Variants in EFR3B observed in about 807,000 individuals in gnomAD.
EFR3B encodes protein EFR3 homolog B.
EFR3B carries 64 observed loss-of-function variants against 104.7 expected under a neutral mutation model. The ratio of observed to expected loss-of-function variants is 0.61; its 90% CI spans 0.50 to 0.75. The LOEUF is 0.75. Among genes scored for constraint, EFR3B ranks in the 30% least tolerant of loss-of-function variants. The pLI is 0.00. For synonymous variants in EFR3B, 385 were observed against 417.9 expected (o/e 0.92, Z 0.96); for missense variants, 750 against 1,078.5 (o/e 0.70, Z 4.27).
intron 4 of EFR3B, among the ~76,000 whole-genome samples, chr2:25,119,440 C>T (rs1292477582): frequency 6.6e-6 from 1 of 152,238 alleles, no homozygotes. Context: ...TTCAGCCAAA[C>T]GTGGCTTCAG....
At chr2:25,063,399 C>G (rs537416475) in intron 1 of EFR3B, among the ~76,000 whole-genome samples, 1 of 152,156 alleles carries the variant, frequency 6.6e-6, no homozygotes, top group African/African-American at 2.4e-5. Flanking sequence ...GACCTATACT[C>G]TCTGGCTAGG....
chr2:25,069,320 G>A (rs994036492), intron 1 of EFR3B, among the ~76,000 whole-genome samples: 15 of 152,166 alleles, frequency 9.9e-5, no homozygotes, highest in African/African-American at 3.6e-4. Flanking sequence ...TGGTGGCCAC[G>A]ATGTATCTTG....
At chr2:25,124,491 C>G (rs567952905) in intron 5 of EFR3B, among the ~76,000 whole-genome samples, 43 of 152,014 alleles carry the variant, frequency 2.8e-4, no homozygotes, top group African/African-American at 1.0e-3. Context: ...CTTTGGGAGG[C>G]CGAGCGGGGC....
intron 1 of EFR3B, among the ~76,000 whole-genome samples, chr2:25,044,559 G>A (rs1667665912): frequency 6.6e-6 from 1 of 152,066 alleles, no homozygotes; most frequent in East Asian, 1.9e-4. Context: ...TGAAAATGGG[G>A]GCCTCCTGGC....
chr2:25,052,627 G>C (rs1483958089), intron 1 of EFR3B, among the ~76,000 whole-genome samples: 3 of 149,844 alleles, frequency 2.0e-5, no homozygotes, highest in Non-Finnish European at 4.4e-5. Context: ...TCAGCCTCCT[G>C]AGTAGCTGGG....
chr2:25,070,354 C>T (rs999037584), intron 1 of EFR3B, among the ~76,000 whole-genome samples: 9 of 152,240 alleles, frequency 5.9e-5, no homozygotes, highest in South Asian at 2.1e-4. Flanking sequence ...CTCCGCCTCC[C>T]GGGTTCAAGC....
Position 25,042,248 on chromosome 2 carries a change from C to T in EFR3B, c.-65C>T, listed in dbSNP as rs963377130. On this transcript the variant is annotated 5_prime_UTR_variant, in exon 1 of 23. Coordinates refer to ENST00000403714, the MANE Select transcript of EFR3B (RefSeq NM_014971.2). The surrounding 1 kb of genome is among the most constrained non-coding windows in gnomAD (Gnocchi z 5.4). ...CCGACTGTGAATGAAAGGCGGGCGC[C>T]GCCGAGGGCTGGCTGGGAACGCCGC... 44 of 1,299,726 alleles carry T rather than the reference C, an allele frequency of 3.4e-5. No individual in the cohort carries two copies. The highest frequency in any genetic ancestry group is 4.3e-5 in the Non-Finnish European group (44 of 1,024,384). 80.5% of individuals were successfully genotyped at this position (1,299,726 alleles called of 1,614,324 possible). A position where few individuals can be genotyped will look rare whatever the true frequency, so the allele number is the denominator to read the frequency against.
chr2:25,051,983 G>T (rs1667884366), intron 1 of EFR3B, among the ~76,000 whole-genome samples: 1 of 151,022 alleles, frequency 6.6e-6, no homozygotes, highest in Non-Finnish European at 1.5e-5. Flanking sequence ...ATCACCTGAG[G>T]TCAGGAGTTC....
chr2:25,137,445 C>G lies in EFR3B; in HGVS notation c.1665C>G (p.Ile555Met), dbSNP rs2304568. 6.4e-7 allele frequency: 1 copy of G among 1,551,720 alleles called. No individual in the cohort carries two copies. The highest frequency in any genetic ancestry group is 1.7e-4 in the Middle Eastern group (1 of 5,992). Reference protein sequence around the residue: ...ALYGLLALISIELANEEVVVD... With the variant: ...ALYGLLALISMELANEEVVVD... ...ATGGCTTGCTGGCCCTCATCAGCAT[C>G]GAGCTGGCTAACGAGGAGGTGGTGG... Residue 555 changes from isoleucine to methionine, a missense_variant, in exon 15 of 23, where the codon ATC becomes ATG. Ile to Met is a conservative substitution (Grantham distance 10). Transcript: ENST00000403714. This position sits in a 1 kb window ranked among gnomAD's most constrained non-coding sequence, Gnocchi z 4.7.
At chr2:25,129,504 G>T (rs984865502) in intron 6 of EFR3B, among the ~76,000 whole-genome samples, 3 of 152,104 alleles carry the variant, frequency 2.0e-5, no homozygotes, top group African/African-American at 7.2e-5. Flanking sequence ...CCTGTGACTT[G>T]AGTATCATTG....
intron 1 of EFR3B, among the ~76,000 whole-genome samples, chr2:25,059,731 C>T (rs531152622): frequency 3.3e-5 from 5 of 151,934 alleles, no homozygotes; most frequent in East Asian, 1.9e-4. Flanking sequence ...GCTAAAATGC[C>T]GGGCGTGGTG....
At chr2:25,093,228 C>A (rs2149185857) in intron 3 of EFR3B, 98 bp downstream of exon 3, 3 of 1,449,638 alleles carry the variant, frequency 2.1e-6, no homozygotes, top group Admixed American at 4.5e-5. Flanking sequence ...GGCAGAGTGG[C>A]TCACGCCTGT....
At chr2:25,141,214 C>A (rs1322406324) in intron 16 of EFR3B, among the ~76,000 whole-genome samples, 152 bp from the exon 17 acceptor site, 1 of 152,092 alleles carries the variant, frequency 6.6e-6, no homozygotes, top group Non-Finnish European at 1.5e-5. Flanking sequence ...CCTGTTGATG[C>A]GAGTTTCCAC....
rs987624726 is a variant in EFR3B at position 25,156,622 on chromosome 2, G to A, written c.*2282G>A. On this transcript the variant is annotated 3_prime_UTR_variant, in exon 23 of 23. Transcript: ENST00000403714. ...GGCACGTGGCTTCTGAATGGCCTGA[G>A]TGAGGGCAGGGCCCAGGCATGGAGG... 6.6e-6 allele frequency: 1 copy of A among 152,286 alleles called. No homozygotes were observed. The highest frequency in any genetic ancestry group is 1.5e-5 in the Non-Finnish European group (1 of 68,108). The allele number at this position is 152,286 out of a possible 1,614,324, so 9.4% of individuals were successfully genotyped here. A position where few individuals can be genotyped will look rare whatever the true frequency, so the allele number is the denominator to read the frequency against.
chr2:25,118,363 A>G (rs1669920321), intron 4 of EFR3B, among the ~76,000 whole-genome samples: 1 of 152,156 alleles, frequency 6.6e-6, no homozygotes, highest in Admixed American at 6.6e-5. Context: ...TACTGAGCAT[A>G]ATGTCTTCCA....
intron 1 of EFR3B, among the ~76,000 whole-genome samples, chr2:25,062,726 G>A (rs73920646): frequency 2.0e-5 from 3 of 152,332 alleles, no homozygotes; most frequent in Non-Finnish European, 2.9e-5. Flanking sequence ...TGATGGTGCC[G>A]GCAGGGCAGT....
chr2:25,106,646 T>C (rs1162697781), intron 4 of EFR3B, among the ~76,000 whole-genome samples: 2 of 152,160 alleles, frequency 1.3e-5, no homozygotes, highest in Non-Finnish European at 2.9e-5. Flanking sequence ...TTTCACCATG[T>C]TGGTCAGGCT....
chr2:25,087,103 C>T (rs1007115662), intron 1 of EFR3B, among the ~76,000 whole-genome samples: 3 of 151,976 alleles, frequency 2.0e-5, no homozygotes, highest in African/African-American at 4.8e-5. Flanking sequence ...ATGGCGGCGG[C>T]GAGGAGAAGT....
In EFR3B at chr2:25,154,795, TC is replaced by T; in HGVS notation, c.*460del. 6.3e-6 allele frequency: 1 copy of T among 158,216 alleles called. No individual in the cohort carries two copies. The highest frequency in any genetic ancestry group is 1.4e-5 in the Non-Finnish European group (1 of 72,354). 9.8% of individuals were successfully genotyped at this position (158,216 alleles called of 1,614,324 possible). A position where few individuals can be genotyped will look rare whatever the true frequency, so the allele number is the denominator to read the frequency against. On this transcript the variant is annotated 3_prime_UTR_variant, in exon 23 of 23. Transcript: ENST00000403714. The surrounding 1 kb of genome is among the most constrained non-coding windows in gnomAD (Gnocchi z 4.1). ...GGGATGGCTCTCTCCTCCCCAGCAC[TC>T]CCCCTGCTCCCCGCCCATGTCCCTG...
Sources: allele counts gnomAD v4.1 joint callset (sites outside exome capture counted in the v4.1 genomes callset), GRCh38; gene constraint gnomAD v4.1.1; non-coding constraint Gnocchi (gnomAD v3.1); transcripts MANE v1.5; gene names NCBI Gene and HGNC (gene_info 2026-07-23, HGNC 2026-07-21).